Variants in ME2 observed in about 807,000 individuals in gnomAD.
The protein encoded by ME2 is NAD-dependent malic enzyme, mitochondrial.
In ME2, 60 loss-of-function variants were observed where a neutral mutation model predicts 73.7. The ratio of observed to expected loss-of-function variants is 0.81; its 90% CI spans 0.66 to 1.01. The LOEUF is 1.01. Among genes scored for constraint, ME2 ranks in the 50% least tolerant of loss-of-function variants. The pLI, the probability that ME2 is intolerant of heterozygous loss-of-function variation, is 0.00. For missense variants in ME2, 594 were observed against 705.5 expected (o/e 0.84, Z 1.79); for synonymous variants, 199 against 236.9 (o/e 0.84, Z 1.47).
chr18:50,933,340 C>T (rs1444341203), intron 13 of ME2: 2 of 152,150 alleles, frequency 1.3e-5, no homozygotes, highest in African/African-American at 4.8e-5. Flanking sequence ...TGACAGCAGG[C>T]TCTAATTAAG....
chr18:50,943,403 G>C lies in ME2; in HGVS notation c.1587+3017G>C, dbSNP rs531174380. ...CAACCTCTGCCTCCCAGGCTCAAGC[G>C]ATCTTCCCACCTCAGCCTCCCGAGT... On this transcript the variant is annotated intron_variant, in intron 15 of 15. Coordinates refer to ENST00000321341, the MANE Select transcript of ME2 (RefSeq NM_002396.5). Among the ~76,000 whole-genome samples the C allele has an allele frequency of 2.8e-3, 424 of 152,126 alleles. 3 individuals are homozygous for C. Among genetic ancestry groups the C allele is most frequent in the African/African-American group, 9.5e-3 (396 of 41,478 alleles).
At chr18:50,884,498 C>G (rs1209877641) in intron 1 of ME2, among the ~76,000 whole-genome samples, 4 of 151,980 alleles carry the variant, frequency 2.6e-5, no homozygotes, top group Non-Finnish European at 4.4e-5. Flanking sequence ...CAGGCACGCA[C>G]CACCATGCCC....
intron 10 of ME2, among the ~76,000 whole-genome samples, chr18:50,923,098 T>C (rs1917468532): frequency 6.6e-6 from 1 of 152,138 alleles, no homozygotes; most frequent in Admixed American, 6.5e-5. Context: ...ACTTTTATGG[T>C]TTTTGACCTG....
intron 2 of ME2, among the ~76,000 whole-genome samples, chr18:50,906,762 A>G (rs1328026191): frequency 6.6e-6 from 1 of 152,184 alleles, no homozygotes; most frequent in East Asian, 1.9e-4. Flanking sequence ...CTCTGTGTGC[A>G]TGTTGCGGCA....
In ME2 at chr18:50,900,723, G is replaced by T. The variant is rs771614358; in HGVS notation, c.108+4795G>T. The stretch of plus-strand genomic sequence containing the variant: ...CAGGTGGAGGTAACTGAATCGTGGG[G>T]GTGGTTTCCCCCATGCTGTTCTTGT... On this transcript the variant is annotated intron_variant, in intron 2 of 15. Transcript: ENST00000321341. Among the ~76,000 whole-genome samples, 6 of 152,166 alleles carry T rather than the reference G, an allele frequency of 3.9e-5. No individual in the cohort carries two copies. In the South Asian group the frequency reaches 8.3e-4, roughly 21 times the overall value.
intron 3 of ME2, among the ~76,000 whole-genome samples, chr18:50,909,122 T>C (rs1174732800): frequency 6.6e-6 from 1 of 151,734 alleles, no homozygotes; most frequent in Non-Finnish European, 1.5e-5. Context: ...CCCGGCTAAT[T>C]TTTGTAGTTT....
chr18:50,906,082 T>A (rs902816662), intron 2 of ME2, among the ~76,000 whole-genome samples: 3 of 152,226 alleles, frequency 2.0e-5, no homozygotes, highest in African/African-American at 7.2e-5. Context: ...TCTCATACTT[T>A]CCTTTAGTTC....
At chr18:50,919,224 A>T in intron 7 of ME2, among the ~76,000 whole-genome samples, 1 of 152,234 alleles carries the variant, frequency 6.6e-6, no homozygotes, top group South Asian at 2.1e-4. Context: ...TACCAGATTA[A>T]TTGTTTTGAA....
In ME2 at chr18:50,951,593, G is replaced by C. The variant is rs1918227251; in HGVS notation, c.*4409G>C. The C allele has an allele frequency of 7.0e-6, 1 of 143,346 alleles. No individual in the cohort carries two copies. The highest frequency in any genetic ancestry group is 2.6e-5 in the African/African-American group (1 of 38,808). 8.9% of individuals were successfully genotyped at this position (143,346 alleles called of 1,614,324 possible). A position where few individuals can be genotyped will look rare whatever the true frequency, so the allele number is the denominator to read the frequency against. ...TTCTTCATACTCTTAAAAAGCTCCA[G>C]AATGGCCAGGCGCAGTGGCTCACGC... On this transcript the variant is annotated 3_prime_UTR_variant, in exon 16 of 16. Transcript: ENST00000321341.
At chr18:50,939,146 A>T (rs1386945507) in intron 13 of ME2, 1 of 152,228 alleles carries the variant, frequency 6.6e-6, no homozygotes, top group Non-Finnish European at 1.5e-5. Context: ...AAAAGAAAAA[A>T]AAAAAGAGAG....
chr18:50,920,580 C>T lies in ME2; in HGVS notation c.844+15C>T, dbSNP rs748022985. ...TGATATTCAAGGTAAAGCAAAAAAA[C>T]TTCAGGGTTTTGATTCCTACTTTTT... On this transcript the variant is annotated intron_variant, in intron 8 of 15. Transcript: ENST00000321341. 6.4e-7 allele frequency: 1 copy of T among 1,567,970 alleles called. No individual in the cohort carries two copies. The highest frequency in any genetic ancestry group is 1.4e-5 in the African/African-American group (1 of 72,060).
At chr18:50,908,241 A>G in intron 3 of ME2, 45 bp downstream of exon 3, 4 of 1,449,532 alleles carry the variant, frequency 2.8e-6, no homozygotes, top group Non-Finnish European at 3.7e-6. Context: ...TATTCTGATT[A>G]GAAAACTTAT....
At chr18:50,906,148 T>G (rs1012741501) in intron 2 of ME2, among the ~76,000 whole-genome samples, 3 of 152,124 alleles carry the variant, frequency 2.0e-5, no homozygotes, top group Admixed American at 1.3e-4. Flanking sequence ...GAATGTAAAG[T>G]CTTTATCTAG....
rs755991514 is a variant in ME2, at chr18:50,922,024, TAAA to T, written c.1056+839_1056+841del. On this transcript the variant is annotated intron_variant, in intron 10 of 15. Coordinates refer to ENST00000321341, the MANE Select transcript of ME2 (RefSeq NM_002396.5). ...CTGTTATATTTTTGTATGTACACATTAAAATATAATGGTATAGCTGTCGCTTGG... is the reference window on the plus strand; with the variant it reads ...CTGTTATATTTTTGTATGTACACATTATATAATGGTATAGCTGTCGCTTGG... Among the ~76,000 whole-genome samples the T allele has an allele frequency of 6.2e-4, 95 of 152,362 alleles. No homozygotes were observed. The Middle Eastern group carries it at 0.014, about 22-fold the overall frequency.
At chr18:50,942,592 G>A (rs537101621) in intron 15 of ME2, 23 of 236,586 alleles carry the variant, frequency 9.7e-5, no homozygotes, top group African/African-American at 4.9e-4. Flanking sequence ...TTTTTAAAAA[G>A]TGTTTCAGTA....
intron 13 of ME2, 110 bp downstream of exon 13, chr18:50,932,470 T>A: frequency 2.9e-6 from 2 of 689,948 alleles, no homozygotes; most frequent in Non-Finnish European, 4.5e-6. Context: ...TACAGAATTT[T>A]GGTATAAATG....
chr18:50,908,271 G>T, intron 3 of ME2, 75 bp downstream of exon 3: 1 of 1,064,738 alleles, frequency 9.4e-7, no homozygotes, highest in Non-Finnish European at 1.3e-6. Flanking sequence ...GGTTATTATG[G>T]CATGAGAAAT....
chr18:50,929,478 A>ACT (rs1917641478), intron 12 of ME2, among the ~76,000 whole-genome samples: 1 of 130,446 alleles, frequency 7.7e-6, no homozygotes, highest in Non-Finnish European at 1.6e-5. Context: ...ACAGAGCAAG[A>ACT]CTGTCTCAAA....
chr18:50,907,963 A>G (rs1438555112), intron 2 of ME2, 100 bp from the exon 3 acceptor site: 3 of 903,912 alleles, frequency 3.3e-6, no homozygotes, highest in South Asian at 2.0e-5. Context: ...ATAATATGTC[A>G]TTGATTTTTC....
Sources: gnomAD v4.1 joint callset for allele counts (sites outside exome capture counted in the v4.1 genomes callset) on GRCh38, gnomAD v4.1.1 for gene constraint, MANE v1.5 for transcripts, NCBI Gene and HGNC (gene_info 2026-07-23, HGNC 2026-07-21) for gene names.